PARN: variants seen among roughly 807,000 people sequenced by gnomAD.
The protein encoded by PARN is poly(A)-specific ribonuclease PARN.
A neutral mutation model predicts 102.8 loss-of-function variants in PARN; 71 were observed. That is an observed-to-expected ratio of 0.69 (90% confidence interval 0.57 to 0.84). PARN has a LOEUF of 0.84. Ranked by LOEUF, PARN falls within the 40% of genes least tolerant of loss-of-function variation. The probability of loss-of-function intolerance (pLI) is 0.00; values close to 1 mark genes in which losing one functional copy is unlikely to be tolerated. For synonymous variants in PARN, 261 were observed against 252.9 expected (o/e 1.03, Z -0.30); for missense variants, 782 against 760.9 (o/e 1.03, Z -0.33).
intron 21 of PARN, among the ~76,000 whole-genome samples, chr16:14,511,596 C>T (rs183938626): frequency 2.6e-5 from 4 of 152,226 alleles, no homozygotes; most frequent in Admixed American, 2.6e-4. Context: ...CTGAGACATA[C>T]GGTTCTTCTC....
In PARN at chr16:14,481,607, T is replaced by C. The variant is rs140290093; in HGVS notation, c.1670+1031A>G. ...CTTTGAACTAAACATTTATGATCTC[T>C]GCATTTTATTTTATTTTAATCATAC... is the stretch of plus-strand genomic sequence containing the variant. On this transcript the variant is annotated intron_variant, in intron 22 of 23. Coordinates refer to ENST00000437198, the MANE Select transcript of PARN (RefSeq NM_002582.4). Among the ~76,000 whole-genome samples the C allele has an allele frequency of 3.4e-3, 511 of 152,348 alleles. 3 individuals are homozygous for C. Among genetic ancestry groups the C allele is most frequent in the South Asian group, 0.021 (100 of 4,826 alleles).
chr16:14,492,009 G>A (rs1964083478), intron 21 of PARN, among the ~76,000 whole-genome samples: 1 of 152,220 alleles, frequency 6.6e-6, no homozygotes, highest in Non-Finnish European at 1.5e-5. Flanking sequence ...GCCTGGGCAG[G>A]AAACAGGCCA....
chr16:14,618,535 C>A (rs1972077598), intron 5 of PARN, among the ~76,000 whole-genome samples: 1 of 150,730 alleles, frequency 6.6e-6, no homozygotes, highest in Non-Finnish European at 1.5e-5. Flanking sequence ...GTGGTGTGTA[C>A]CTGCAATCCC....
chr16:14,461,079 TA>T (rs1398107731), intron 22 of PARN, among the ~76,000 whole-genome samples: 1 of 152,216 alleles, frequency 6.6e-6, no homozygotes, highest in Non-Finnish European at 1.5e-5. Context: ...CCCATAACCT[TA>T]GTCTAACCAC....
At chr16:14,579,528 C>A (rs1406505377) in intron 18 of PARN, among the ~76,000 whole-genome samples, 2 of 152,016 alleles carry the variant, frequency 1.3e-5, no homozygotes, top group African/African-American at 2.4e-5. Flanking sequence ...CAAGATCATG[C>A]CACTGCACTC....
chr16:14,581,039 C>T (rs1041392976), intron 17 of PARN, 96 bp from the exon 18 acceptor site: 3 of 699,378 alleles, frequency 4.3e-6, no homozygotes, highest in Non-Finnish European at 7.7e-6. Context: ...CAGCATGGTT[C>T]AACAAGTGTG....
chr16:14,606,478 G>T lies in PARN; in HGVS notation c.702+6C>A. ...AATGTTAGCCCTAGATAATTCTTGG[G>T]GTTACCTTTTCAGTTTCTAAAGTCT... is the stretch of plus-strand genomic sequence containing the variant. On this transcript the variant is annotated splice_donor_region_variant and intron_variant, in intron 10 of 23. Transcript: ENST00000437198. The T allele has an allele frequency of 6.5e-7, 1 of 1,540,682 alleles. No individual in the cohort carries two copies. Among genetic ancestry groups the T allele is most frequent in the Non-Finnish European group, 8.9e-7 (1 of 1,121,574 alleles).
chr16:14,595,359 A>AAC (rs927000847), intron 12 of PARN, among the ~76,000 whole-genome samples: 3 of 151,652 alleles, frequency 2.0e-5, no homozygotes, highest in Non-Finnish European at 2.9e-5. Flanking sequence ...CACACACACA[A>AAC]ACACACACAC....
intron 6 of PARN, among the ~76,000 whole-genome samples, chr16:14,615,520 C>T (rs1202288251): frequency 1.3e-5 from 2 of 152,068 alleles, no homozygotes; most frequent in Non-Finnish European, 2.9e-5. Context: ...CTATGTGAAG[C>T]AGTTTTGGCT....
intron 8 of PARN, 30 bp downstream of exon 8, chr16:14,609,028 G>A: frequency 2.2e-6 from 3 of 1,339,606 alleles, no homozygotes; most frequent in Non-Finnish European, 3.2e-6. Context: ...TCCAAAAAAA[G>A]GACATGCAGA....
At chr16:14,544,725 G>C (rs1458132270) in intron 21 of PARN, among the ~76,000 whole-genome samples, 1 of 152,084 alleles carries the variant, frequency 6.6e-6, no homozygotes, top group Non-Finnish European at 1.5e-5. Context: ...CAGTTTATCA[G>C]AAAGACAAAA....
rs1960709965 is a variant in PARN, at chr16:14,436,643, T to C, written c.*74A>G. On this transcript the variant is annotated 3_prime_UTR_variant, in exon 24 of 24. Coordinates refer to ENST00000437198, the MANE Select transcript of PARN (RefSeq NM_002582.4). ...CCACATTTGATTAAGTTAAATACAG[T>C]GCGGCTTCCAAATGTGCCAGCCGGC... 3.7e-6 allele frequency: 4 copies of C among 1,070,812 alleles called. No homozygotes were observed. The highest frequency in any genetic ancestry group is 4.2e-4 in the Middle Eastern group (2 of 4,756). 66.3% of individuals were successfully genotyped at this position (1,070,812 alleles called of 1,614,324 possible). A position where few individuals can be genotyped will look rare whatever the true frequency, so the allele number is the denominator to read the frequency against.
At chr16:14,506,917 T>A (rs1477825873) in intron 21 of PARN, among the ~76,000 whole-genome samples, 2 of 152,112 alleles carry the variant, frequency 1.3e-5, no homozygotes, top group African/African-American at 4.8e-5. Context: ...GGAAAGAAAA[T>A]GCATTCTCTC....
chr16:14,475,053 G>C (rs532104145), intron 22 of PARN, among the ~76,000 whole-genome samples: 5 of 152,300 alleles, frequency 3.3e-5, no homozygotes, highest in African/African-American at 1.2e-4. Flanking sequence ...CAGGAATTCG[G>C]AGAGCTACTC....
intron 13 of PARN, among the ~76,000 whole-genome samples, chr16:14,590,390 T>C (rs1156511880): frequency 1.3e-5 from 2 of 151,038 alleles, no homozygotes; most frequent in East Asian, 2.0e-4. Context: ...ATCCCAGAAC[T>C]TTGGGAGGCG....
At chr16:14,485,337 A>G (rs1963611100) in intron 21 of PARN, among the ~76,000 whole-genome samples, 1 of 152,252 alleles carries the variant, frequency 6.6e-6, no homozygotes, top group African/African-American at 2.4e-5. Flanking sequence ...CAGCCTCCCA[A>G]CAATTCATAT....
chr16:14,536,457 T>C (rs1199546020), intron 21 of PARN, among the ~76,000 whole-genome samples: 1 of 152,226 alleles, frequency 6.6e-6, no homozygotes. Context: ...TTTCACTGCT[T>C]TGCGTTTCCT....
At chr16:14,514,539 A>G (rs1596550187) in intron 21 of PARN, among the ~76,000 whole-genome samples, 1 of 152,166 alleles carries the variant, frequency 6.6e-6, no homozygotes, top group Non-Finnish European at 1.5e-5. Context: ...AATTCTGAAC[A>G]ATCATTTGAT....
chr16:14,603,358 G>A (rs1970992028), intron 11 of PARN, among the ~76,000 whole-genome samples: 1 of 152,116 alleles, frequency 6.6e-6, no homozygotes, highest in South Asian at 2.1e-4. Flanking sequence ...TTGTGGTTAA[G>A]TCAATTAGGA....
Sources: gnomAD v4.1 joint callset for allele counts (sites outside exome capture counted in the v4.1 genomes callset) on GRCh38, gnomAD v4.1.1 for gene constraint, MANE v1.5 for transcripts, NCBI Gene and HGNC (gene_info 2026-07-23, HGNC 2026-07-21) for gene names.